The following KIAA0825 variants were observed in gnomAD, a reference collection of about 807,000 sequenced individuals.
KIAA0825 encodes uncharacterized protein KIAA0825.
KIAA0825 carries 119 observed loss-of-function variants against 147.6 expected under a neutral mutation model. That is an observed-to-expected ratio of 0.81 (90% CI 0.69 to 0.94). KIAA0825 has a LOEUF of 0.94. Among genes scored for constraint, KIAA0825 ranks in the 40% least tolerant of loss-of-function variants. The pLI is 0.00. For missense variants in KIAA0825, 1,381 were observed against 1,472.7 expected (o/e 0.94, Z 1.02); for synonymous variants, 470 against 518.1 (o/e 0.91, Z 1.26).
intron 2 of KIAA0825, among the ~76,000 whole-genome samples, chr5:94,540,169 G>C (rs1003547055): frequency 1.3e-5 from 2 of 152,162 alleles, no homozygotes; most frequent in African/African-American, 2.4e-5. Context: ...GTAAAAATCA[G>C]TGTTTATCTT....
At position 94,440,094 on chromosome 5, in the gene KIAA0825, G is replaced by T; in HGVS notation, c.2385C>A (p.Ala795=). The T allele has an allele frequency of 1.3e-6, 2 of 1,551,354 alleles. No individual in the cohort carries two copies. The highest frequency in any genetic ancestry group is 1.7e-6 in the Non-Finnish European group (2 of 1,146,762). The change falls in exon 14 of 21, where the codon GCC becomes GCA. Residue 795 remains alanine (A), a synonymous_variant. Coordinates refer to ENST00000682413, the MANE Select transcript of KIAA0825 (RefSeq NM_001145678.3). Reference sequence around the variant, plus strand: ...ATAAGAGCAGTTTCAACTGACCCTCGGCTTTCAGTCCTCCAGCTGATGGAG... The same window carrying T: ...ATAAGAGCAGTTTCAACTGACCCTCTGCTTTCAGTCCTCCAGCTGATGGAG... ...LRTPSAGGLK[A]EGQLKLLLSQ...
chr5:94,175,621 C>T (rs774482718), intron 20 of KIAA0825, among the ~76,000 whole-genome samples: 17 of 152,122 alleles, frequency 1.1e-4, no homozygotes, highest in East Asian at 5.8e-4. Context: ...AAGTTTCTCT[C>T]CCTTATTTAA....
chr5:94,281,271 C>T (rs761779939), intron 20 of KIAA0825, among the ~76,000 whole-genome samples: 1 of 150,404 alleles, frequency 6.6e-6, no homozygotes, highest in Non-Finnish European at 1.5e-5. Context: ...CATTTTCTTG[C>T]GTATTGTCAT....
chr5:94,473,024 T>G (rs903679508), intron 8 of KIAA0825, among the ~76,000 whole-genome samples: 8 of 152,168 alleles, frequency 5.3e-5, no homozygotes, highest in Admixed American at 5.2e-4. Flanking sequence ...ACAGGTGGTT[T>G]TCCCAGGGTT....
intron 5 of KIAA0825, among the ~76,000 whole-genome samples, chr5:94,517,891 G>A (rs1285055850): frequency 6.6e-6 from 1 of 152,058 alleles, no homozygotes; most frequent in Non-Finnish European, 1.5e-5. Flanking sequence ...GAGTCAGACA[G>A]ATAAGTTTGA....
At chr5:94,408,985 A>C (rs1752428578) in intron 15 of KIAA0825, among the ~76,000 whole-genome samples, 1 of 152,190 alleles carries the variant, frequency 6.6e-6, no homozygotes, top group Non-Finnish European at 1.5e-5. Flanking sequence ...ATAGCAAATA[A>C]GTTATCCTCA....
chr5:94,599,413 G>A (rs1458594688), intron 1 of KIAA0825, among the ~76,000 whole-genome samples: 20 of 147,748 alleles, frequency 1.4e-4, no homozygotes, highest in Admixed American at 7.5e-4. Context: ...AGTTAACAGG[G>A]AAAATATTAG....
chr5:94,334,218 T>C (rs1210259193), intron 20 of KIAA0825, among the ~76,000 whole-genome samples: 3 of 152,172 alleles, frequency 2.0e-5, no homozygotes, highest in African/African-American at 4.8e-5. Flanking sequence ...CTGCCTTCGC[T>C]ACTCCTGTTC....
chr5:94,611,594 C>G (rs1482732275), intron 1 of KIAA0825, among the ~76,000 whole-genome samples: 4 of 150,614 alleles, frequency 2.7e-5, no homozygotes, highest in Non-Finnish European at 5.9e-5. Flanking sequence ...GGTAAAGATG[C>G]AAATAGACAT....
intron 16 of KIAA0825, 95 bp downstream of exon 16, chr5:94,403,474 A>T: frequency 3.5e-6 from 3 of 853,142 alleles, no homozygotes; most frequent in Non-Finnish European, 5.5e-6. Flanking sequence ...AATATAGTTC[A>T]TCATTCTTAT....
At chr5:94,548,391 A>G (rs895613860) in intron 2 of KIAA0825, among the ~76,000 whole-genome samples, 2 of 152,180 alleles carry the variant, frequency 1.3e-5, no homozygotes, top group Non-Finnish European at 2.9e-5. Context: ...CAGTAACCTC[A>G]AATCTAAAAA....
intron 18 of KIAA0825, among the ~76,000 whole-genome samples, chr5:94,390,543 G>A (rs923253850): frequency 1.3e-5 from 2 of 152,168 alleles, no homozygotes; most frequent in Non-Finnish European, 2.9e-5. Context: ...TAAGGACAGG[G>A]TCATATCTCA....
At chr5:94,453,782 G>T (rs1342795938) in intron 12 of KIAA0825, among the ~76,000 whole-genome samples, 1 of 152,062 alleles carries the variant, frequency 6.6e-6, no homozygotes, top group Non-Finnish European at 1.5e-5. Flanking sequence ...TGCTTCCCAT[G>T]AGTAGTATTT....
intron 1 of KIAA0825, among the ~76,000 whole-genome samples, chr5:94,606,016 A>G (rs1787428145): frequency 6.6e-6 from 1 of 152,194 alleles, no homozygotes; most frequent in Non-Finnish European, 1.5e-5. Flanking sequence ...AAAACCCCAT[A>G]GTCTTAGCCC....
At position 94,343,012 on chromosome 5, in the gene KIAA0825, A is replaced by C. The variant is rs534659924; in HGVS notation, c.3710+41356T>G. ...CATTTATAATAGCATTGAGTATATC[A>C]AATACTTAAAAATAAATTCTAATAC... is the stretch of plus-strand genomic sequence containing the variant. On this transcript the variant is annotated intron_variant, in intron 20 of 20. Transcript: ENST00000682413. Among the ~76,000 whole-genome samples, 139 of 152,304 alleles carry C rather than the reference A, an allele frequency of 9.1e-4. 3 individuals carry two copies. In the South Asian group the frequency reaches 0.027, roughly 30 times the overall value.
chr5:94,180,773 T>G (rs1769540439), intron 20 of KIAA0825, among the ~76,000 whole-genome samples: 1 of 152,204 alleles, frequency 6.6e-6, no homozygotes, highest in South Asian at 2.1e-4. Context: ...AAGTCTTACA[T>G]ACTTTTTTTC....
At chr5:94,205,523 C>A (rs1194977149) in intron 20 of KIAA0825, among the ~76,000 whole-genome samples, 1 of 151,800 alleles carries the variant, frequency 6.6e-6, no homozygotes, top group Non-Finnish European at 1.5e-5. Context: ...GATCTCCTGA[C>A]CTCGTGATCC....
At chr5:94,491,731 A>T (rs1477340143) in intron 5 of KIAA0825, among the ~76,000 whole-genome samples, 3 of 152,252 alleles carry the variant, frequency 2.0e-5, no homozygotes, top group Non-Finnish European at 2.9e-5. Flanking sequence ...TAAAAGTACG[A>T]CAAGGAATAT....
chr5:94,324,927 C>T (rs762209948), intron 20 of KIAA0825, among the ~76,000 whole-genome samples: 4 of 151,796 alleles, frequency 2.6e-5, no homozygotes, highest in Admixed American at 6.6e-5. Context: ...TAAAATGATA[C>T]CTGCCACTAA....
Sources: gnomAD v4.1 joint callset for allele counts (sites outside exome capture counted in the v4.1 genomes callset) on GRCh38, gnomAD v4.1.1 for gene constraint, MANE v1.5 for transcripts, NCBI Gene and HGNC (gene_info 2026-07-23, HGNC 2026-07-21) for gene names.